The following OSBPL3 variants were observed in gnomAD, a reference collection of about 807,000 sequenced individuals.
OSBPL3 encodes the protein oxysterol-binding protein-related protein 3.
Under a neutral mutation model 120.1 loss-of-function variants are expected in OSBPL3, and 65 were observed. The ratio of observed to expected loss-of-function variants is 0.54; its 90% CI spans 0.44 to 0.67. The LOEUF (loss-of-function observed/expected upper bound fraction) is 0.67, where lower values mean the gene tolerates loss of function less well. Ranked by LOEUF, OSBPL3 falls within the 30% of genes least tolerant of loss-of-function variation. The pLI is 0.00. For missense variants in OSBPL3, 1,004 were observed against 1,082.1 expected (o/e 0.93, Z 1.01); for synonymous variants, 416 against 402.6 (o/e 1.03, Z -0.40).
chr7:24,927,447 G>T (rs144478927), intron 1 of OSBPL3, among the ~76,000 whole-genome samples: 4 of 152,082 alleles, frequency 2.6e-5, no homozygotes, highest in African/African-American at 4.8e-5. Flanking sequence ...ATAGCACTTG[G>T]CATTTCTTGG....
rs190420435 is a variant in OSBPL3 at position 24,979,840 on chromosome 7, C to T, written c.-150+46G>A. The T allele has an allele frequency of 1.1e-3, 1,026 of 909,964 alleles. 12 individuals carry two copies. The African/African-American group carries it at 0.017, about 15-fold the overall frequency. The allele number at this position is 909,964 out of a possible 1,614,324, so 56.4% of individuals were successfully genotyped here. ...CTTCCGAGCCCGCGCCGCCGCCAGGCCCCCCGACACCCAGGCCCCATTTAG... is the reference window on the plus strand; with the variant it reads ...CTTCCGAGCCCGCGCCGCCGCCAGGTCCCCCGACACCCAGGCCCCATTTAG... On this transcript the variant is annotated intron_variant, in intron 1 of 22. Transcript: ENST00000313367.
intron 2 of OSBPL3, among the ~76,000 whole-genome samples, chr7:24,875,993 A>C (rs750525595): frequency 6.6e-6 from 1 of 152,140 alleles, no homozygotes; most frequent in Non-Finnish European, 1.5e-5. Context: ...TAAAGGCTTT[A>C]ATATTTTCTT....
chr7:24,844,270 C>T (rs1285735451), intron 12 of OSBPL3, among the ~76,000 whole-genome samples: 3 of 152,214 alleles, frequency 2.0e-5, no homozygotes, highest in Non-Finnish European at 4.4e-5. Context: ...TTAAATCAAG[C>T]GTGGCCAACC....
At chr7:24,969,465 T>G (rs1361368365) in intron 1 of OSBPL3, among the ~76,000 whole-genome samples, 1 of 152,200 alleles carries the variant, frequency 6.6e-6, no homozygotes, top group Non-Finnish European at 1.5e-5. Context: ...CCCGCAAAAA[T>G]GATATGTAAT....
rs989161243 is a variant in OSBPL3 at position 24,818,669 on chromosome 7, A to G, written c.1948+1506T>C. On this transcript the variant is annotated intron_variant, in intron 17 of 22. Coordinates refer to ENST00000313367, the MANE Select transcript of OSBPL3 (RefSeq NM_015550.4). This position sits in a 1 kb window ranked among gnomAD's most constrained non-coding sequence, Gnocchi z 4.0. ...AGAAAGAGGAAACGGAGAACAAAGAACAGATGTGACAAACAGAAAAGAAAC... is the reference window on the plus strand; with the variant it reads ...AGAAAGAGGAAACGGAGAACAAAGAGCAGATGTGACAAACAGAAAAGAAAC... Among the ~76,000 whole-genome samples the G allele has an allele frequency of 1.3e-5, 2 of 152,232 alleles. No homozygotes were observed. Among genetic ancestry groups the G allele is most frequent in the African/African-American group, 4.8e-5 (2 of 41,470 alleles).
Position 24,964,053 on chromosome 7 carries a change from C to G in OSBPL3, c.-150+15833G>C, listed in dbSNP as rs1020883695. Among the ~76,000 whole-genome samples, 1 of 152,076 alleles carries G rather than the reference C, an allele frequency of 6.6e-6. No individual in the cohort carries two copies. The highest frequency in any genetic ancestry group is 1.5e-5 in the Non-Finnish European group (1 of 68,010). The stretch of plus-strand genomic sequence containing the variant: ...CGAACTTCAGAAACAAAATAAAGTA[C>G]TACTAAATTATAATCCAAAGTATAT... On this transcript the variant is annotated intron_variant, in intron 1 of 22. Transcript: ENST00000313367. This position sits in a 1 kb window ranked among gnomAD's most constrained non-coding sequence, Gnocchi z 4.2.
At chr7:24,980,449 A>C (rs1818204515), upstream of OSBPL3, among the ~76,000 whole-genome samples, 1 of 152,010 alleles carries the variant, frequency 6.6e-6, no homozygotes. Flanking sequence ...GCGGCGAGGC[A>C]CTGGGTGGGG....
Position 24,852,647 on chromosome 7 carries a change from A to T in OSBPL3, c.1028-13T>A, listed in dbSNP as rs2128228998. On this transcript the variant is annotated splice_polypyrimidine_tract_variant and intron_variant, in intron 10 of 22. Transcript: ENST00000313367. This position sits in a 1 kb window ranked among gnomAD's most constrained non-coding sequence, Gnocchi z 4.1. ...AAAGTGAAGTAAACTATAGAGATAG[A>T]ATCATTATAAAAAGGAATAAGGAGG... 6.6e-7 allele frequency: 1 copy of T among 1,525,922 alleles called. No individual in the cohort carries two copies. Among genetic ancestry groups the T allele is most frequent in the South Asian group, 1.2e-5 (1 of 80,292 alleles). The allele number at this position is 1,525,922 out of a possible 1,614,324, so 94.5% of individuals were successfully genotyped here.
In OSBPL3 at chr7:24,979,902, C is replaced by T. The variant is rs1040820442; in HGVS notation, c.-166G>A. ...GCCACTCACCTGAGCGCTGTGCAGC[C>T]GGAGACGCTCCCTAGTTCCCCGGGG... On this transcript the variant is annotated 5_prime_UTR_variant, in exon 1 of 23. Transcript: ENST00000313367. 7.2e-6 allele frequency: 7 copies of T among 967,704 alleles called. No homozygotes were observed. The highest frequency in any genetic ancestry group is 8.5e-6 in the Non-Finnish European group (7 of 821,042). The allele number at this position is 967,704 out of a possible 1,614,324, so 59.9% of individuals were successfully genotyped here. A position where few individuals can be genotyped will look rare whatever the true frequency, so the allele number is the denominator to read the frequency against.
rs149414886 is a variant in OSBPL3, at chr7:24,821,331, T to C, written c.1885-1093A>G. Among the ~76,000 whole-genome samples the C allele has an allele frequency of 7.2e-4, 110 of 152,292 alleles. No homozygotes were observed. The East Asian group carries it at 0.02, about 27-fold the overall frequency. On this transcript the variant is annotated intron_variant, in intron 16 of 22. Coordinates refer to ENST00000313367, the MANE Select transcript of OSBPL3 (RefSeq NM_015550.4). The surrounding 1 kb of genome is among the most constrained non-coding windows in gnomAD (Gnocchi z 5.5). ...GTTTACCTCACTGGTTTTCAAACTT[T>C]GCAAAAAGAAGAAAAAAAATGTTTT... is the stretch of plus-strand genomic sequence containing the variant.
At chr7:24,901,681 G>A (rs1346215790) in intron 1 of OSBPL3, among the ~76,000 whole-genome samples, 1 of 152,084 alleles carries the variant, frequency 6.6e-6, no homozygotes, top group African/African-American at 2.4e-5. Flanking sequence ...TCTCTGGTGG[G>A]GCCAGGCTTT....
chr7:24,828,624 A>C (rs1323489242), intron 16 of OSBPL3, among the ~76,000 whole-genome samples: 1 of 142,900 alleles, frequency 7.0e-6, no homozygotes, highest in African/African-American at 2.8e-5. Flanking sequence ...AAAAAAAAGA[A>C]AAAAAAAAAA....
At chr7:24,934,338 A>C in intron 1 of OSBPL3, among the ~76,000 whole-genome samples, 1 of 152,200 alleles carries the variant, frequency 6.6e-6, no homozygotes. Context: ...CGAGTTCCTC[A>C]GATCAAAGAC....
Position 24,820,799 on chromosome 7 carries a change from A to T in OSBPL3, c.1885-561T>A, listed in dbSNP as rs930614942. On this transcript the variant is annotated intron_variant, in intron 16 of 22. Coordinates refer to ENST00000313367, the MANE Select transcript of OSBPL3 (RefSeq NM_015550.4). This position sits in a 1 kb window ranked among gnomAD's most constrained non-coding sequence, Gnocchi z 4.6. ...AAGACCAATGCAAGGTAATTTTTTT[A>T]AAAAAGAGTGTTTCTATTAAAAAAA... Among the ~76,000 whole-genome samples, 15 of 136,262 alleles carry T rather than the reference A, an allele frequency of 1.1e-4. No homozygotes were observed. Among genetic ancestry groups the T allele is most frequent in the South Asian group, 2.5e-4 (1 of 4,072 alleles). 89.4% of individuals were successfully genotyped at this position (136,262 alleles called of 152,430 possible). A position where few individuals can be genotyped will look rare whatever the true frequency, so the allele number is the denominator to read the frequency against.
intron 5 of OSBPL3, among the ~76,000 whole-genome samples, chr7:24,866,799 C>G (rs62449859): frequency 0.063 from 9,552 of 152,132 alleles, 415 homozygotes; most frequent in Non-Finnish European, 0.098. Flanking sequence ...ATGAGTAAGT[C>G]CAACTGTTAT....
At position 24,851,281 on chromosome 7, in the gene OSBPL3, A is replaced by G. The variant is rs1311083981; in HGVS notation, c.1158+1223T>C. 1.3e-5 allele frequency among the ~76,000 whole-genome samples: 2 copies of G among 152,250 alleles called. No individual in the cohort carries two copies. Among genetic ancestry groups the G allele is most frequent in the Admixed American group, 1.3e-4 (2 of 15,280 alleles). ...TGTACAATAAAAAGGGGGCGATTCT[A>G]TCTGTGACCTTAAGACAACGTTAAG... On this transcript the variant is annotated intron_variant, in intron 11 of 22. Transcript: ENST00000313367. This position sits in a 1 kb window ranked among gnomAD's most constrained non-coding sequence, Gnocchi z 4.1.
Position 24,842,272 on chromosome 7 carries a change from C to A in OSBPL3, c.1401+7G>T. 1 of 1,612,490 alleles carries A rather than the reference C, an allele frequency of 6.2e-7. No homozygotes were observed. The highest frequency in any genetic ancestry group is 1.3e-5 in the African/African-American group (1 of 74,940). Reference sequence around the variant, plus strand: ...TTGAGGCACCATACTGTAAACATTGCTCAAACCTCGTTTTCTGAAGAGCTT... The same window carrying A: ...TTGAGGCACCATACTGTAAACATTGATCAAACCTCGTTTTCTGAAGAGCTT... On this transcript the variant is annotated splice_region_variant and intron_variant, in intron 13 of 22. Coordinates refer to ENST00000313367, the MANE Select transcript of OSBPL3 (RefSeq NM_015550.4).
intron 2 of OSBPL3, among the ~76,000 whole-genome samples, chr7:24,885,911 G>A (rs1804461161): frequency 6.6e-6 from 1 of 152,162 alleles, no homozygotes; most frequent in African/African-American, 2.4e-5. Flanking sequence ...TCTGGAATGT[G>A]TTACTTTGAA....
At chr7:24,926,906 T>C (rs1447256262) in intron 1 of OSBPL3, among the ~76,000 whole-genome samples, 4 of 152,256 alleles carry the variant, frequency 2.6e-5, no homozygotes, top group Non-Finnish European at 5.9e-5. Flanking sequence ...ATTGCATCCA[T>C]GTAAATAAAA....
Sources: gnomAD v4.1 joint callset for allele counts (sites outside exome capture counted in the v4.1 genomes callset) on GRCh38, gnomAD v4.1.1 for gene constraint, Gnocchi (gnomAD v3.1) non-coding constraint, MANE v1.5 for transcripts, NCBI Gene and HGNC (gene_info 2026-07-23, HGNC 2026-07-21) for gene names.